SCIN: variants seen among roughly 807,000 people sequenced by gnomAD.
The protein encoded by SCIN is adseverin.
SCIN carries 91 observed loss-of-function variants against 91.8 expected under a neutral mutation model. That is an observed-to-expected ratio of 0.99 (90% CI 0.84 to 1.18). The LOEUF (loss-of-function observed/expected upper bound fraction) is 1.18. SCIN is among the 50% of genes most tolerant of loss of function. The pLI is 0.00. For synonymous variants in SCIN, 367 were observed against 312.6 expected (o/e 1.17, Z -1.84); for missense variants, 1,087 against 863.9 (o/e 1.26, Z -3.24).
chr7:12,644,637 C>G lies in SCIN; in HGVS notation c.1813C>G (p.Leu605Val), dbSNP rs1405748414. ...GKKDYQTSPL[L>V]ETQAEDHPPR... The stretch of plus-strand genomic sequence containing the variant: ...AAAAGACTACCAGACCTCACCACTA[C>G]TGGAAACCCAGGCTGAAGACCATCC... The change falls in exon 13 of 16, where the codon CTG becomes GTG. Residue 605 changes from leucine to valine, a missense_variant. Transcript: ENST00000297029. The G allele has an allele frequency of 1.2e-6, 2 of 1,605,392 alleles. No individual in the cohort carries two copies. Among genetic ancestry groups the G allele is most frequent in the Non-Finnish European group, 1.7e-6 (2 of 1,175,762 alleles).
rs1461200228 is a variant in SCIN, at chr7:12,644,145, T to G, written c.1589T>G (p.Val530Gly). Residue 530 changes from valine (V) to glycine (G), a missense_variant, in exon 12 of 16, where the codon GTT (valine) becomes GGT (glycine). Physicochemically the swap from Val to Gly is moderately radical, Grantham distance 109. Coordinates refer to ENST00000297029, the MANE Select transcript of SCIN (RefSeq NM_001112706.3). Reference sequence around the variant, plus strand: ...TTTTTCTTCATATTCCAGGTTGATGTTGATGCAAATTCACTGAATTCTAAC... The same window carrying G: ...TTTTTCTTCATATTCCAGGTTGATGGTGATGCAAATTCACTGAATTCTAAC... ...ASITRIVEVD[V>G]DANSLNSNDV... The G allele has an allele frequency of 6.2e-7, 1 of 1,611,832 alleles. No homozygotes were observed. Among genetic ancestry groups the G allele is most frequent in the Non-Finnish European group, 8.5e-7 (1 of 1,178,768 alleles).
chr7:12,571,659 T>A (rs560591843), intron 1 of SCIN: 2 of 443,848 alleles, frequency 4.5e-6, no homozygotes, highest in Non-Finnish European at 4.6e-6. Context: ...TATATACAAA[T>A]AAATAGCTCT....
At chr7:12,595,071 G>A (rs115186387) in intron 3 of SCIN, among the ~76,000 whole-genome samples, 5,568 of 152,102 alleles carry the variant, frequency 0.037, 373 homozygotes, top group African/African-American at 0.13. Context: ...AGGACGCCCA[G>A]CCAGAGCCTA....
chr7:12,609,622 G>A (rs957872698), intron 4 of SCIN, among the ~76,000 whole-genome samples: 1 of 152,040 alleles, frequency 6.6e-6, no homozygotes, highest in African/African-American at 2.4e-5. Flanking sequence ...TGAAGATGAA[G>A]AAAGGGCAAG....
Position 12,571,127 on chromosome 7 carries a change from G to A in SCIN, c.199+142G>A, listed in dbSNP as rs373644677. 0.015 allele frequency: 14,378 copies of A among 935,078 alleles called. 965 individuals carry two copies. The African/African-American group carries it at 0.17, about 11-fold the overall frequency. The allele number at this position is 935,078 out of a possible 1,614,324, so 57.9% of individuals were successfully genotyped here. On this transcript the variant is annotated intron_variant, in intron 1 of 15. Coordinates refer to ENST00000297029, the MANE Select transcript of SCIN (RefSeq NM_001112706.3). ...GCGCCCCCACGGGGCTGCCCTTTGG[G>A]GCCGGCCACTTTCTCCCTACCGAAG...
chr7:12,644,497 C>A, intron 12 of SCIN, 87 bp from the exon 13 acceptor site: 1 of 1,535,428 alleles, frequency 6.5e-7, no homozygotes, highest in South Asian at 1.3e-5. Context: ...ACACTGAAAT[C>A]AAGGTGAGAT....
intron 3 of SCIN, among the ~76,000 whole-genome samples, chr7:12,584,580 A>G (rs1361578493): frequency 4.6e-5 from 7 of 152,220 alleles, no homozygotes; most frequent in Admixed American, 4.6e-4. Flanking sequence ...CAGTTTAGCC[A>G]GTTTGAAAGT....
rs988989915 is a variant in SCIN at position 12,654,049 on chromosome 7, C to A, written c.*1334C>A. 6.6e-6 allele frequency: 1 copy of A among 152,014 alleles called. No individual in the cohort carries two copies. Among genetic ancestry groups the A allele is most frequent in the Non-Finnish European group, 1.5e-5 (1 of 67,978 alleles). The allele number at this position is 152,014 out of a possible 1,614,324, so 9.4% of individuals were successfully genotyped here. A position where few individuals can be genotyped will look rare whatever the true frequency, so the allele number is the denominator to read the frequency against. ...GAAAAAGAAGAAGCTACGTTAGAAC[C>A]CATGGAAAGAACTTTGCCTCATGTA... On this transcript the variant is annotated 3_prime_UTR_variant, in exon 16 of 16. Coordinates refer to ENST00000297029, the MANE Select transcript of SCIN (RefSeq NM_001112706.3).
chr7:12,659,762 C>A lies in SCIN; in HGVS notation c.*7047C>A. ...GGACTGCCCTATGCAAAATAACTAGCTCCCCACTTTACACAGAGTACACCA... is the reference window on the plus strand; with the variant it reads ...GGACTGCCCTATGCAAAATAACTAGATCCCCACTTTACACAGAGTACACCA... On this transcript the variant is annotated 3_prime_UTR_variant, in exon 16 of 16. Coordinates refer to ENST00000297029, the MANE Select transcript of SCIN (RefSeq NM_001112706.3). The A allele has an allele frequency of 6.2e-6, 1 of 162,256 alleles. No homozygotes were observed. The highest frequency in any genetic ancestry group is 1.3e-5 in the Non-Finnish European group (1 of 74,496). The allele number at this position is 162,256 out of a possible 1,614,324, so 10.1% of individuals were successfully genotyped here.
intron 1 of SCIN, among the ~76,000 whole-genome samples, chr7:12,572,835 T>A (rs776314533): frequency 6.6e-6 from 1 of 152,220 alleles, no homozygotes; most frequent in Non-Finnish European, 1.5e-5. Flanking sequence ...TTATTCAATA[T>A]GGCCAGTACT....
chr7:12,607,687 G>A (rs1312068752), intron 4 of SCIN, among the ~76,000 whole-genome samples: 1 of 152,120 alleles, frequency 6.6e-6, no homozygotes, highest in Non-Finnish European at 1.5e-5. Context: ...CTCACACAAT[G>A]AACTGAGATG....
intron 8 of SCIN, among the ~76,000 whole-genome samples, chr7:12,628,032 CGTGTGTGTGT>C (rs59555647): frequency 3.3e-4 from 49 of 146,398 alleles, no homozygotes; most frequent in Admixed American, 7.4e-4. Flanking sequence ...AGTGTGCGCG[CGTGTGTGTGT>C]GTGTGTGTGT....
chr7:12,604,245 A>G (rs1187837237), intron 3 of SCIN, among the ~76,000 whole-genome samples: 2 of 152,062 alleles, frequency 1.3e-5, no homozygotes, highest in Non-Finnish European at 2.9e-5. Flanking sequence ...TTTAATCCAT[A>G]TGTTTACTTT....
At chr7:12,589,754 C>T (rs573173606) in intron 3 of SCIN, among the ~76,000 whole-genome samples, 64 of 152,126 alleles carry the variant, frequency 4.2e-4, no homozygotes, top group Non-Finnish European at 8.2e-4. Context: ...AGGGCCTGGT[C>T]GGCTTGTTGG....
chr7:12,652,688 C>G lies in SCIN; in HGVS notation c.2121C>G (p.Phe707Leu). ...GHEPPTFTGW[F>L]LGWDSSKW ...AGCCACCCACATTCACAGGCTGGTT[C>G]CTGGGCTGGGATTCCAGCAAGTGGT... The change falls in exon 16 of 16, where the codon TTC becomes TTG. Residue 707 changes from phenylalanine to leucine, a missense_variant. By Grantham distance (22) the Phe-to-Leu change is conservative. Coordinates refer to ENST00000297029, the MANE Select transcript of SCIN (RefSeq NM_001112706.3). The G allele has an allele frequency of 3.1e-6, 5 of 1,605,438 alleles. No individual in the cohort carries two copies. Among genetic ancestry groups the G allele is most frequent in the South Asian group, 1.1e-5 (1 of 89,420 alleles).
Position 12,626,831 on chromosome 7 carries a change from A to G in SCIN, c.1197+32A>G, listed in dbSNP as rs1445876674. 3.9e-6 allele frequency: 6 copies of G among 1,544,364 alleles called. No homozygotes were observed. The African/African-American group carries it at 4.1e-5, about 11-fold the overall frequency. ...ACCTGTTTTTGTTTTTATCAAGCCCATTAATGCCAGTGTATGTAGGGGGAG... is the reference window on the plus strand; with the variant it reads ...ACCTGTTTTTGTTTTTATCAAGCCCGTTAATGCCAGTGTATGTAGGGGGAG... On this transcript the variant is annotated intron_variant, in intron 8 of 15. Transcript: ENST00000297029.
intron 3 of SCIN, chr7:12,595,778 C>A (rs953202887): frequency 3.3e-5 from 5 of 152,176 alleles, no homozygotes; most frequent in African/African-American, 9.7e-5. Flanking sequence ...AAGACTCCTT[C>A]CCTCCAGGAT....
At chr7:12,601,364 C>T (rs1245690690) in intron 3 of SCIN, among the ~76,000 whole-genome samples, 1 of 152,142 alleles carries the variant, frequency 6.6e-6, no homozygotes, top group Non-Finnish European at 1.5e-5. Flanking sequence ...ATCCATTTCT[C>T]TGGATGTTTT....
In SCIN at chr7:12,644,154, A is replaced by T. The variant is rs747450742; in HGVS notation, c.1598A>T (p.Asn533Ile). The stretch of plus-strand genomic sequence containing the variant: ...ATATTCCAGGTTGATGTTGATGCAA[A>T]TTCACTGAATTCTAACGATGTTTTT... Reference protein sequence around the residue: ...TRIVEVDVDANSLNSNDVFVL... With the variant: ...TRIVEVDVDAISLNSNDVFVL... Residue 533 changes from asparagine (N) to isoleucine (I), a missense_variant, in exon 12 of 16, where the codon AAT (asparagine) becomes ATT (isoleucine). Coordinates refer to ENST00000297029, the MANE Select transcript of SCIN (RefSeq NM_001112706.3). The T allele has an allele frequency of 2.5e-6, 4 of 1,612,562 alleles. No individual in the cohort carries two copies. The highest frequency in any genetic ancestry group is 1.7e-5 in the Admixed American group (1 of 59,804).
Sources: gnomAD v4.1 joint callset for allele counts (sites outside exome capture counted in the v4.1 genomes callset) on GRCh38, gnomAD v4.1.1 for gene constraint, MANE v1.5 for transcripts, NCBI Gene and HGNC (gene_info 2026-07-23, HGNC 2026-07-21) for gene names.